SLC16A9: variants seen among roughly 807,000 people sequenced by gnomAD.
SLC16A9 encodes monocarboxylate transporter 9.
A neutral mutation model predicts 44.3 loss-of-function variants in SLC16A9; 26 were observed. That is an observed-to-expected ratio of 0.59 (90% CI 0.43 to 0.81). The LOEUF (loss-of-function observed/expected upper bound fraction) is 0.81, where lower values mean the gene tolerates loss of function less well. SLC16A9 is among the 40% of genes least tolerant of loss of function. The pLI, the probability that SLC16A9 is intolerant of heterozygous loss-of-function variation, is 0.00. For missense variants in SLC16A9, 559 were observed against 595.8 expected, an observed-to-expected ratio of 0.94 and a Z score of 0.64; for synonymous variants, 230 against 225.1, an observed-to-expected ratio of 1.02 and a Z score of -0.19.
intron 2 of SLC16A9, among the ~76,000 whole-genome samples, chr10:59,677,571 T>G (rs1435244152): frequency 6.6e-6 from 1 of 151,822 alleles, no homozygotes; most frequent in Admixed American, 6.6e-5. Flanking sequence ...CAAAACAAAC[T>G]CGCATCAAGG....
chr10:59,654,578 C>T lies in SLC16A9; in HGVS notation c.448G>A (p.Gly150Ser). The T allele has an allele frequency of 6.3e-7, 1 of 1,579,026 alleles. No homozygotes were observed. The highest frequency in any genetic ancestry group is 1.1e-5 in the South Asian group (1 of 87,028). Residue 150 changes from glycine to serine, a missense_variant, in exon 5 of 6, where the codon GGC (glycine) becomes AGC (serine). Coordinates refer to ENST00000395348, the MANE Select transcript of SLC16A9 (RefSeq NM_194298.3). ...TGCAGAGCAGCATATATGAAAAGGC[C>T]AACGCTTGAACCTAAAAAGGGAATG... The part of the protein sequence containing the change: ...LGLISTGSSV[G>S]LFIYAALQRM...
chr10:59,654,065 A>G lies in SLC16A9; in HGVS notation c.961T>C (p.Phe321Leu). 6.2e-7 allele frequency: 1 copy of G among 1,614,070 alleles called. No individual in the cohort carries two copies. The highest frequency in any genetic ancestry group is 8.5e-7 in the Non-Finnish European group (1 of 1,180,030). Residue 321 changes from phenylalanine (F) to leucine (L), a missense_variant, in exon 5 of 6, where the codon TTT (phenylalanine) becomes CTT (leucine). Phe to Leu is a conservative substitution (Grantham distance 22, BLOSUM62 0). Transcript: ENST00000395348. ...IAILLFDIGG[F>L]PPSLLMEDVA... ...TCTTCCATAAGTAATGAAGGTGGAA[A>G]CCCTCCGATGTCAAAGAGTAAGATA...
At position 59,695,547 on chromosome 10, in the gene SLC16A9, GC is replaced by G. The variant is rs889640919; in HGVS notation, c.-36-11221del. On this transcript the variant is annotated intron_variant, in intron 1 of 5. Transcript: ENST00000395348. ...TGCATGAGACTTTTCATAAATACGA[GC>G]CCCCCCACCTCGTCAATGGCCCTCC... Among the ~76,000 whole-genome samples the G allele has an allele frequency of 1.7e-4, 26 of 151,894 alleles. No individual in the cohort carries two copies. In the East Asian group the frequency reaches 3.7e-3, roughly 22 times the overall value.
chr10:59,657,041 T>C (rs1839365104), intron 4 of SLC16A9, among the ~76,000 whole-genome samples: 5 of 152,188 alleles, frequency 3.3e-5, no homozygotes, highest in Admixed American at 2.6e-4. Flanking sequence ...ATAGAGGGTG[T>C]ACAATCTCTG....
intron 2 of SLC16A9, among the ~76,000 whole-genome samples, chr10:59,678,916 G>A (rs529335338): frequency 1.3e-5 from 2 of 152,248 alleles, no homozygotes; most frequent in Middle Eastern, 3.4e-3. Flanking sequence ...CAGGAATTCA[G>A]TACTCCTTGA....
intron 1 of SLC16A9, among the ~76,000 whole-genome samples, chr10:59,692,903 G>A (rs1840282380): frequency 1.3e-5 from 2 of 152,138 alleles, no homozygotes. Flanking sequence ...AACTTTTTGG[G>A]AATTCTAAAA....
intron 1 of SLC16A9, among the ~76,000 whole-genome samples, chr10:59,697,971 AAAC>A (rs1170520570): frequency 2.1e-5 from 3 of 139,618 alleles, no homozygotes; most frequent in Non-Finnish European, 4.9e-5. Flanking sequence ...GTAAAAAAAA[AAAC>A]AAAAAACAAA....
At position 59,653,661 on chromosome 10, in the gene SLC16A9, GA is replaced by G. The variant is rs771416212; in HGVS notation, c.1351+13del. 17 of 1,597,416 alleles carry G rather than the reference GA, an allele frequency of 1.1e-5. No individual in the cohort carries two copies. Among genetic ancestry groups the G allele is most frequent in the Middle Eastern group, 3.3e-4 (2 of 6,004 alleles). ...GAACAGTAAAATGGGATGATTTTAAGATAAATATCTTACCAACGATGGGTGG... is the reference window on the plus strand; with the variant it reads ...GAACAGTAAAATGGGATGATTTTAAGTAAATATCTTACCAACGATGGGTGG... On this transcript the variant is annotated intron_variant, in intron 5 of 5. Transcript: ENST00000395348.
At chr10:59,665,889 A>G (rs934722832) in intron 3 of SLC16A9, among the ~76,000 whole-genome samples, 7 of 152,232 alleles carry the variant, frequency 4.6e-5, no homozygotes, top group Non-Finnish European at 8.8e-5. Flanking sequence ...TAAATCTTAT[A>G]CTAAAATGAA....
intron 1 of SLC16A9, among the ~76,000 whole-genome samples, chr10:59,693,007 GATCTT>G (rs1298441242): frequency 6.6e-6 from 1 of 152,180 alleles, no homozygotes; most frequent in African/African-American, 2.4e-5. Context: ...TAACACAAGT[GATCTT>G]ATCTCTAGTT....
Position 59,654,415 on chromosome 10 carries a change from G to A in SLC16A9, c.611C>T (p.Pro204Leu), listed in dbSNP as rs764792405. ...SDCPLPKKIA[P>L]EDLPDKYSIY... ...GGAGTATTTATCTGGTAGATCTTCT[G>A]GAGCTATTTTTTTAGGCAAAGGACA... Residue 204 changes from proline (P) to leucine (L), a missense_variant, in exon 5 of 6, where the codon CCA (proline) becomes CTA (leucine). Pro to Leu is a moderately conservative substitution (Grantham distance 98, BLOSUM62 -3). Transcript: ENST00000395348. 7 of 1,613,498 alleles carry A rather than the reference G, an allele frequency of 4.3e-6. No homozygotes were observed. Among genetic ancestry groups the A allele is most frequent in the Non-Finnish European group, 5.9e-6 (7 of 1,180,032 alleles).
intron 1 of SLC16A9, among the ~76,000 whole-genome samples, chr10:59,685,780 A>C (rs1349256485): frequency 6.6e-6 from 1 of 152,220 alleles, no homozygotes; most frequent in Non-Finnish European, 1.5e-5. Context: ...ATACATTTGT[A>C]ATTGTAATTT....
chr10:59,685,871 T>C (rs925275089), intron 1 of SLC16A9, among the ~76,000 whole-genome samples: 3 of 152,216 alleles, frequency 2.0e-5, no homozygotes, highest in African/African-American at 7.2e-5. Context: ...ATTGAGCTAA[T>C]TCATATTGTC....
rs761197967 is a variant in SLC16A9 at position 59,664,253 on chromosome 10, C to T, written c.410G>A (p.Gly137Asp). The T allele has an allele frequency of 1.9e-6, 3 of 1,612,002 alleles. No homozygotes were observed. The African/African-American group carries it at 4.0e-5, about 22-fold the overall frequency. The change falls in exon 4 of 6, where the codon GGC becomes GAC. Residue 137 changes from glycine to aspartate, a missense_variant. Gly to Asp is a moderately conservative substitution (Grantham distance 94, BLOSUM62 -1). Coordinates refer to ENST00000395348, the MANE Select transcript of SLC16A9 (RefSeq NM_194298.3). ...ITCQYFDDRR[G>D]LALGLISTGS... ...TGTTGAAATCAGGCCAAGCGCTAGG[C>T]CTCGGCGATCGTCAAAATACTGGCA...
chr10:59,699,380 G>A (rs1045159435), intron 1 of SLC16A9, among the ~76,000 whole-genome samples: 4 of 150,018 alleles, frequency 2.7e-5, no homozygotes, highest in Admixed American at 6.7e-5. Flanking sequence ...AGTCTCATAC[G>A]AGTACACACA....
chr10:59,654,527 G>T lies in SLC16A9; in HGVS notation c.499C>A (p.Leu167Met). The change falls in exon 5 of 6, where the codon CTG becomes ATG. Residue 167 changes from leucine to methionine, a missense_variant. Coordinates refer to ENST00000395348, the MANE Select transcript of SLC16A9 (RefSeq NM_194298.3). ...LQRMLVEFYG[L>M]DGCLLIVGAL... ...CCCACAATCAGCAAGCATCCATCCA[G>T]TCCATAGAACTCAACCAGCATCCTC... 6.2e-7 allele frequency: 1 copy of T among 1,608,580 alleles called. No individual in the cohort carries two copies.
intron 4 of SLC16A9, among the ~76,000 whole-genome samples, chr10:59,655,795 T>G (rs988760471): frequency 6.6e-6 from 1 of 152,216 alleles, no homozygotes; most frequent in Non-Finnish European, 1.5e-5. Flanking sequence ...AAAAGGTTGA[T>G]CATATGTTTA....
At chr10:59,666,637 T>C (rs1839624637) in intron 3 of SLC16A9, among the ~76,000 whole-genome samples, 1 of 152,212 alleles carries the variant, frequency 6.6e-6, no homozygotes, top group African/African-American at 2.4e-5. Flanking sequence ...TTGTTTTCAA[T>C]GCTTCACCTG....
At chr10:59,667,939 A>T (rs1275012107) in intron 3 of SLC16A9, among the ~76,000 whole-genome samples, 1 of 151,966 alleles carries the variant, frequency 6.6e-6, no homozygotes, top group Admixed American at 6.6e-5. Context: ...CACACTGGAG[A>T]CACAACTTCA....
Sources: gnomAD v4.1 joint callset for allele counts (sites outside exome capture counted in the v4.1 genomes callset) on GRCh38, gnomAD v4.1.1 for gene constraint, MANE v1.5 for transcripts, NCBI Gene and HGNC (gene_info 2026-07-23, HGNC 2026-07-21) for gene names.